The following ZSCAN25 variants were observed in gnomAD, a reference collection of about 807,000 sequenced individuals.
ZSCAN25 encodes the protein zinc finger and SCAN domain-containing protein 25.
A neutral mutation model predicts 38.7 loss-of-function variants in ZSCAN25; 27 were observed. The observed-to-expected ratio is 0.70, with a 90% confidence interval of 0.51 to 0.96. The LOEUF (loss-of-function observed/expected upper bound fraction) is 0.96, where lower values mean the gene tolerates loss of function less well. Among genes scored for constraint, ZSCAN25 ranks in the 40% least tolerant of loss-of-function variants. ZSCAN25 has a pLI of 0.00. For synonymous variants in ZSCAN25, 273 were observed against 277.7 expected, an observed-to-expected ratio of 0.98 and a Z score of 0.17; for missense variants, 637 against 705.9, an observed-to-expected ratio of 0.90 and a Z score of 1.11.
chr7:99,691,113 A>G, the ZSCAN25 span, among the ~76,000 whole-genome samples: 5 of 152,250 alleles, frequency 3.3e-5, no homozygotes, highest in African/African-American at 1.2e-4. Flanking sequence ...CTATGCAGCC[A>G]TAAAAAATGA....
the ZSCAN25 span, among the ~76,000 whole-genome samples, chr7:99,644,887 G>A: frequency 6.6e-6 from 1 of 152,112 alleles, no homozygotes; most frequent in African/African-American, 2.4e-5. Flanking sequence ...TCAGACGTGA[G>A]ACCTTCACTG....
chr7:99,622,757 C>A, intron 6 of ZSCAN25, 117 bp downstream of exon 6: 2 of 908,034 alleles, frequency 2.2e-6, no homozygotes, highest in Non-Finnish European at 3.4e-6. Flanking sequence ...GTCATTCTCC[C>A]TTCCTAGTCC....
chr7:99,688,704 A>G, the ZSCAN25 span, among the ~76,000 whole-genome samples: 1 of 152,218 alleles, frequency 6.6e-6, no homozygotes, highest in Non-Finnish European at 1.5e-5. Flanking sequence ...TCCACCCCAA[A>G]TCAACAGAAT....
chr7:99,722,210 G>T, the ZSCAN25 span: 1 of 1,552,898 alleles, frequency 6.4e-7, no homozygotes, highest in Non-Finnish European at 8.9e-7. Context: ...ATCGCAAGAG[G>T]CTCTGGGCTG....
chr7:99,708,545 T>G, the ZSCAN25 span, among the ~76,000 whole-genome samples: 10 of 152,162 alleles, frequency 6.6e-5, no homozygotes, highest in Admixed American at 1.3e-4. Context: ...TAGAATAGTT[T>G]AAGTCAGATA....
In ZSCAN25 at chr7:99,621,590, A is replaced by T; in HGVS notation, c.589+16A>T. 4.3e-6 allele frequency: 6 copies of T among 1,386,018 alleles called. No individual in the cohort carries two copies. The highest frequency in any genetic ancestry group is 5.7e-6 in the Non-Finnish European group (6 of 1,053,378). The allele number at this position is 1,386,018 out of a possible 1,614,324, so 85.9% of individuals were successfully genotyped here. On this transcript the variant is annotated intron_variant, in intron 5 of 7. Coordinates refer to ENST00000394152, the MANE Select transcript of ZSCAN25 (RefSeq NM_145115.3). ...CAGGAGCAAGGTGAGTAAGACGCAG[A>T]TAGTGGGGATGTCAGGTCATAGGAA...
chr7:99,649,755 G>T, the ZSCAN25 span, among the ~76,000 whole-genome samples: 3 of 152,202 alleles, frequency 2.0e-5, no homozygotes, highest in African/African-American at 4.8e-5. Context: ...TTAAGTCACA[G>T]CCAGGTAATC....
intron 1 of ZSCAN25, 182 bp from the exon 2 acceptor site, chr7:99,618,343 T>C (rs1806648146): frequency 6.6e-6 from 1 of 151,888 alleles, no homozygotes; most frequent in African/African-American, 2.4e-5. Flanking sequence ...GAGGCAGTTA[T>C]CATCTAGTCT....
intron 7 of ZSCAN25, among the ~76,000 whole-genome samples, chr7:99,625,564 T>A (rs1421634874): frequency 6.6e-6 from 1 of 151,972 alleles, no homozygotes; most frequent in Non-Finnish European, 1.5e-5. Context: ...TCAGCATACT[T>A]TATGTGGAGA....
the ZSCAN25 span, among the ~76,000 whole-genome samples, chr7:99,735,409 A>G: frequency 6.6e-6 from 1 of 152,144 alleles, no homozygotes; most frequent in Non-Finnish European, 1.5e-5. Flanking sequence ...GTTACTGGGG[A>G]GTCCAAGGGT....
chr7:99,633,997 C>A (rs1055982395), downstream of ZSCAN25, among the ~76,000 whole-genome samples: 1 of 152,200 alleles, frequency 6.6e-6, no homozygotes, highest in Admixed American at 6.5e-5. Flanking sequence ...CCGGGACTCT[C>A]CAGGTCAAAC....
At chr7:99,727,990 C>T in the ZSCAN25 span, among the ~76,000 whole-genome samples, 1 of 152,196 alleles carries the variant, frequency 6.6e-6, no homozygotes, top group African/African-American at 2.4e-5. Flanking sequence ...GGCCTCAGAC[C>T]CCATTGCTCA....
chr7:99,617,813 A>G (rs371649251), intron 1 of ZSCAN25, among the ~76,000 whole-genome samples: 57 of 152,350 alleles, frequency 3.7e-4, no homozygotes, highest in African/African-American at 1.2e-3. Flanking sequence ...CTATTTGTCA[A>G]ATGGCAGAGA....
the ZSCAN25 span, among the ~76,000 whole-genome samples, chr7:99,688,927 T>A: frequency 9.1e-4 from 139 of 152,196 alleles, no homozygotes; most frequent in African/African-American, 3.3e-3. Context: ...ACTGGCTACA[T>A]AACAAAATGA....
the ZSCAN25 span, chr7:99,715,776 G>C: frequency 1.8e-5 from 29 of 1,613,720 alleles, no homozygotes; most frequent in Non-Finnish European, 2.5e-5. Context: ...AGAACGAATG[G>C]ATCTAATGGA....
chr7:99,701,394 G>A, the ZSCAN25 span, among the ~76,000 whole-genome samples: 1 of 152,188 alleles, frequency 6.6e-6, no homozygotes, highest in African/African-American at 2.4e-5. Context: ...TGGCATTTGT[G>A]AATAGCAGCT....
chr7:99,630,376 A>G lies in ZSCAN25; in HGVS notation c.*356A>G. ...TGGTAGCTGGGACCTCATCTTCCTGAGGGCTCTGTCTTGCCTGCAGGGTCA... is the reference window on the plus strand; with the variant it reads ...TGGTAGCTGGGACCTCATCTTCCTGGGGGCTCTGTCTTGCCTGCAGGGTCA... On this transcript the variant is annotated 3_prime_UTR_variant, in exon 8 of 8. Coordinates refer to ENST00000394152, the MANE Select transcript of ZSCAN25 (RefSeq NM_145115.3). The G allele has an allele frequency of 9.4e-7, 1 of 1,063,946 alleles. No homozygotes were observed. The allele number at this position is 1,063,946 out of a possible 1,614,324, so 65.9% of individuals were successfully genotyped here.
chr7:99,705,359 G>A, the ZSCAN25 span: 17 of 953,450 alleles, frequency 1.8e-5, no homozygotes, highest in African/African-American at 4.9e-5. Flanking sequence ...CACAATGCAC[G>A]TACAGAATCC....
At chr7:99,735,060 A>C in the ZSCAN25 span, 1 of 1,614,012 alleles carries the variant, frequency 6.2e-7, no homozygotes, top group African/African-American at 1.3e-5. Flanking sequence ...AGGAGAAGCC[A>C]GGTTTCCACG....
Sources: allele counts gnomAD v4.1 joint callset (sites outside exome capture counted in the v4.1 genomes callset), GRCh38; gene constraint gnomAD v4.1.1; transcripts MANE v1.5; gene names NCBI Gene and HGNC (gene_info 2026-07-23, HGNC 2026-07-21).